Variants in UVSSA observed in about 807,000 individuals in gnomAD.
UVSSA encodes UV stimulated scaffold protein A, also known as UV-stimulated scaffold protein A.
Under a neutral mutation model 73.9 loss-of-function variants are expected in UVSSA, and 72 were observed. That is an observed-to-expected ratio of 0.97 (90% CI 0.81 to 1.19). The LOEUF (loss-of-function observed/expected upper bound fraction) is 1.19. UVSSA is among the 50% of genes most tolerant of loss of function. The pLI is 0.00. For missense variants in UVSSA, 1,150 were observed against 965.0 expected, an observed-to-expected ratio of 1.19 and a Z score of -2.54; for synonymous variants, 454 against 391.3, an observed-to-expected ratio of 1.16 and a Z score of -1.89.
rs188172511 is a variant in UVSSA at position 1,378,414 on chromosome 4, G to A, written c.1569-1633G>A. 8.5e-3 allele frequency among the ~76,000 whole-genome samples: 1,301 copies of A among 152,328 alleles called. 48 individuals are homozygous for A. The highest frequency in any genetic ancestry group is 0.073 in the Admixed American group (1,111 of 15,306). On this transcript the variant is annotated intron_variant, in intron 10 of 13. Coordinates refer to ENST00000389851, the MANE Select transcript of UVSSA (RefSeq NM_020894.4). ...CTAAAAATATAAAAATTAGCCGGGC[G>A]TGGTGGCGTGCGCCTGTAATCCCAG...
Position 1,394,740 on chromosome 4 carries a change from G to A in UVSSA, c.*8779G>A, listed in dbSNP as rs745745494. The A allele has an allele frequency of 9.5e-6, 15 of 1,577,590 alleles. No homozygotes were observed. Among genetic ancestry groups the A allele is most frequent in the Non-Finnish European group, 1.1e-5 (13 of 1,165,376 alleles). On this transcript the variant is annotated 3_prime_UTR_variant, in exon 14 of 14. Transcript: ENST00000511216. ...ACGTGTCCATGTGGAGTGCCCACCT[G>A]CTCATGTGCCCATGTGGAGTGCCCA...
intron 8 of UVSSA, among the ~76,000 whole-genome samples, chr4:1,367,727 G>C (rs1034069991): frequency 2.0e-5 from 3 of 152,102 alleles, no homozygotes; most frequent in Non-Finnish European, 4.4e-5. Flanking sequence ...TGCTTCTCCA[G>C]GGGCAGGCAG....
upstream of UVSSA, among the ~76,000 whole-genome samples, chr4:1,344,482 C>T (rs929641084): frequency 5.3e-5 from 8 of 151,426 alleles, no homozygotes; most frequent in African/African-American, 1.5e-4. Context: ...ACCTGGGAGG[C>T]AGAGGTTGCA....
At chr4:1,350,822 G>T (rs532871873) in intron 3 of UVSSA, among the ~76,000 whole-genome samples, 1 of 151,548 alleles carries the variant, frequency 6.6e-6, no homozygotes, top group Non-Finnish European at 1.5e-5. Context: ...TCTTGGCCAC[G>T]CATGGGTGCT....
chr4:1,345,473 C>T (rs569633156), upstream of UVSSA, among the ~76,000 whole-genome samples: 19 of 151,814 alleles, frequency 1.3e-4, no homozygotes, highest in South Asian at 8.3e-4. Context: ...GGTGAAACCC[C>T]GTCTCTACTA....
Position 1,379,928 on chromosome 4 carries a change from A to C in UVSSA, c.1569-119A>C, listed in dbSNP as rs1719264498. On this transcript the variant is annotated intron_variant, in intron 10 of 13. Coordinates refer to ENST00000389851, the MANE Select transcript of UVSSA (RefSeq NM_020894.4). ...ACCGTGTTCTCCCTGGGTGCTGTCC[A>C]CAGTGTTGGGGTGGCTGGGCTGCAG... is the stretch of plus-strand genomic sequence containing the variant. 5 of 1,233,580 alleles carry C rather than the reference A, an allele frequency of 4.1e-6. No homozygotes were observed. In the East Asian group the frequency reaches 1.3e-4, roughly 32 times the overall value. The allele number at this position is 1,233,580 out of a possible 1,614,324, so 76.4% of individuals were successfully genotyped here.
chr4:1,345,644 C>CAAAAAAAAAAA (rs71168831), upstream of UVSSA, among the ~76,000 whole-genome samples: 2 of 55,952 alleles, frequency 3.6e-5, no homozygotes, highest in Admixed American at 2.3e-4. Context: ...GACTTTGTCT[C>CAAAAAAAAAAA]AAAAAAAAAA....
intron 2 of UVSSA, 134 bp downstream of exon 2, chr4:1,348,323 G>C: frequency 1.5e-6 from 1 of 687,432 alleles, no homozygotes; most frequent in Non-Finnish European, 2.5e-6. Context: ...TCGGGGCCCT[G>C]CAGTACCCGG....
chr4:1,342,335 T>C (rs6599305), upstream of UVSSA, among the ~76,000 whole-genome samples: 2,603 of 152,338 alleles, frequency 0.017, 65 homozygotes, highest in African/African-American at 0.058. Context: ...TGCTTTTCTT[T>C]GATGTCTGAT....
At chr4:1,369,430 C>T (rs1208188061) in intron 8 of UVSSA, among the ~76,000 whole-genome samples, 2 of 152,270 alleles carry the variant, frequency 1.3e-5, no homozygotes, top group Non-Finnish European at 2.9e-5. Flanking sequence ...CAGTTCATAA[C>T]ACTAGTTTAT....
intron 10 of UVSSA, among the ~76,000 whole-genome samples, chr4:1,377,065 G>A (rs538669339): frequency 1.3e-5 from 2 of 152,316 alleles, no homozygotes; most frequent in Admixed American, 6.5e-5. Context: ...CCAATGCTGC[G>A]GGGTCTGCGG....
intron 8 of UVSSA, 45 bp from the exon 9 acceptor site, chr4:1,375,319 G>A (rs373598718): frequency 2.5e-5 from 40 of 1,607,184 alleles, no homozygotes; most frequent in Non-Finnish European, 3.1e-5. Flanking sequence ...TGTGCCTGGC[G>A]GGTTGTGGGA....
upstream of UVSSA, among the ~76,000 whole-genome samples, chr4:1,345,646 A>G (rs1425508271): frequency 2.1e-3 from 84 of 39,986 alleles, no homozygotes; most frequent in Middle Eastern, 8.1e-3. Context: ...CTTTGTCTCA[A>G]AAAAAAAAAA....
chr4:1,395,573 C>G, exon 14 of UVSSA: 3 of 1,597,744 alleles, frequency 1.9e-6, no homozygotes, highest in Non-Finnish European at 2.6e-6. Flanking sequence ...CCCGCCTGCT[C>G]ACACGTGCCC....
At chr4:1,379,162 C>G (rs1472036330) in intron 10 of UVSSA, among the ~76,000 whole-genome samples, 1 of 152,236 alleles carries the variant, frequency 6.6e-6, no homozygotes, top group Non-Finnish European at 1.5e-5. Flanking sequence ...GACCGTTCCC[C>G]AGTCAGCAGG....
chr4:1,349,336 G>A (rs775021848), intron 2 of UVSSA, among the ~76,000 whole-genome samples, 188 bp from the exon 3 acceptor site: 1 of 152,238 alleles, frequency 6.6e-6, no homozygotes, highest in Non-Finnish European at 1.5e-5. Context: ...AAACAGGCAG[G>A]GGCTGGGGAG....
At chr4:1,354,489 G>T (rs897403942) in intron 5 of UVSSA, 6 of 533,722 alleles carry the variant, frequency 1.1e-5, no homozygotes, top group Admixed American at 3.1e-5. Context: ...CAGCCAAGGA[G>T]ACTGAGACAC....
rs1409144801 is a variant in UVSSA, at chr4:1,347,605, A to G, written c.-158A>G. The G allele has an allele frequency of 6.5e-6, 1 of 153,132 alleles. No homozygotes were observed. Among genetic ancestry groups the G allele is most frequent in the Non-Finnish European group, 1.5e-5 (1 of 68,634 alleles). 9.5% of individuals were successfully genotyped at this position (153,132 alleles called of 1,614,324 possible). ...GTGCGGCAGGCCCTCGCCTCATCCCACCAGGCACGCCGCGGTGCTCGGCCC... is the reference window on the plus strand; with the variant it reads ...GTGCGGCAGGCCCTCGCCTCATCCCGCCAGGCACGCCGCGGTGCTCGGCCC... On this transcript the variant is annotated 5_prime_UTR_variant, in exon 1 of 14. Transcript: ENST00000389851.
Position 1,386,229 on chromosome 4 carries a change from T to G in UVSSA, c.*268T>G. 1 of 447,186 alleles carries G rather than the reference T, an allele frequency of 2.2e-6. No homozygotes were observed. 27.7% of individuals were successfully genotyped at this position (447,186 alleles called of 1,614,324 possible). On this transcript the variant is annotated 3_prime_UTR_variant, in exon 14 of 14. Coordinates refer to ENST00000389851, the MANE Select transcript of UVSSA (RefSeq NM_020894.4). ...CAGCGACCCTGTTCCAGAGGGCTTC[T>G]GCGAGTCCTCGTGAGACCAGTGCTT...
Sources: allele counts gnomAD v4.1 joint callset (sites outside exome capture counted in the v4.1 genomes callset), GRCh38; gene constraint gnomAD v4.1.1; transcripts MANE v1.5; gene names NCBI Gene and HGNC (gene_info 2026-07-23, HGNC 2026-07-21).